Variants in PRKCZ observed in about 807,000 individuals in gnomAD.
PRKCZ encodes protein kinase C zeta type.
Under a neutral mutation model 79.5 loss-of-function variants are expected in PRKCZ, and 33 were observed. That is an observed-to-expected ratio of 0.41 (90% CI 0.31 to 0.55). The LOEUF (loss-of-function observed/expected upper bound fraction) is 0.55, where lower values mean the gene tolerates loss of function less well. PRKCZ is among the 20% of genes least tolerant of loss of function. The pLI is 0.19. For missense variants in PRKCZ, 578 were observed against 813.5 expected (o/e 0.71, Z 3.52); for synonymous variants, 342 against 320.9 (o/e 1.07, Z -0.70).
At chr1:2,164,407 C>T (rs923961007) in intron 10 of PRKCZ, among the ~76,000 whole-genome samples, 4 of 152,212 alleles carry the variant, frequency 2.6e-5, no homozygotes, top group Admixed American at 6.5e-5. Flanking sequence ...CACACTGTGA[C>T]TGTCGGGGGA....
chr1:2,171,905 T>G, intron 11 of PRKCZ, 150 bp from the exon 12 acceptor site: 1 of 975,680 alleles, frequency 1.0e-6, no homozygotes, highest in Non-Finnish European at 1.5e-6. Flanking sequence ...TCCCTGGCCC[T>G]GTGCACTGCA....
chr1:2,095,641 C>G (rs1482329321), intron 4 of PRKCZ, among the ~76,000 whole-genome samples: 2 of 152,030 alleles, frequency 1.3e-5, no homozygotes, highest in East Asian at 3.9e-4. Flanking sequence ...CTGCCCCTGT[C>G]TCCCGCAGCC....
At chr1:2,095,321 G>A (rs1188641848) in intron 4 of PRKCZ, among the ~76,000 whole-genome samples, 1 of 152,168 alleles carries the variant, frequency 6.6e-6, no homozygotes, top group Non-Finnish European at 1.5e-5. Context: ...TGGTTTTGGA[G>A]GTGGCTGGGC....
At chr1:2,118,464 A>G in intron 4 of PRKCZ, among the ~76,000 whole-genome samples, 1 of 151,416 alleles carries the variant, frequency 6.6e-6, no homozygotes, top group Non-Finnish European at 1.5e-5. Context: ...CAGCCTCCTG[A>G]GTAGCTGGGA....
intron 9 of PRKCZ, among the ~76,000 whole-genome samples, chr1:2,152,575 C>T (rs1680109138): frequency 6.6e-6 from 1 of 152,180 alleles, no homozygotes; most frequent in South Asian, 2.1e-4. Flanking sequence ...AGTTAGGCGG[C>T]TTTTAGCATA....
Position 2,172,164 on chromosome 1 carries a change from A to T in PRKCZ, c.1171A>T (p.Lys391Ter). 1 of 1,613,252 alleles carries T rather than the reference A, an allele frequency of 6.2e-7. No individual in the cohort carries two copies. Among genetic ancestry groups the T allele is most frequent in the Non-Finnish European group, 8.5e-7 (1 of 1,179,948 alleles). Residue 391 changes from lysine to a stop codon, truncating the protein, a stop_gained, in exon 12 of 18, where the codon AAG (lysine) becomes TAG (stop). Coordinates refer to ENST00000378567, the MANE Select transcript of PRKCZ (RefSeq NM_002744.6). LOFTEE classifies it high-confidence loss of function. The surrounding 1 kb of genome is among the most constrained non-coding windows in gnomAD (Gnocchi z 7.8). ...CCTCCTGGATGCGGACGGGCACATC[A>T]AGCTCACAGACTACGGCATGTGCAA... ...NVLLDADGHIKLTDYGMCKEG... is the reference protein window; with the variant it reads ...NVLLDADGHI
At chr1:2,129,597 CAG>C (rs1428857205) in intron 4 of PRKCZ, among the ~76,000 whole-genome samples, 1 of 152,168 alleles carries the variant, frequency 6.6e-6, no homozygotes, top group African/African-American at 2.4e-5. Context: ...TTAATTGTAA[CAG>C]TGTAGCAGGC....
intron 16 of PRKCZ, 28 bp downstream of exon 16, chr1:2,175,341 C>G: frequency 6.4e-7 from 1 of 1,568,286 alleles, no homozygotes; most frequent in Non-Finnish European, 8.7e-7. Context: ...CTATTTGCAC[C>G]CCCATCCCCA....
intron 4 of PRKCZ, among the ~76,000 whole-genome samples, chr1:2,116,774 C>T (rs114722764): frequency 0.013 from 1,955 of 152,252 alleles, 24 homozygotes; most frequent in African/African-American, 0.036. Context: ...TTTACATTTC[C>T]ATACACATGG....
chr1:2,126,971 T>C (rs963872463), intron 4 of PRKCZ, among the ~76,000 whole-genome samples: 29 of 152,238 alleles, frequency 1.9e-4, no homozygotes, highest in African/African-American at 6.8e-4. Flanking sequence ...GGGGTCCGTG[T>C]GTCCCACGTG....
chr1:2,144,433 G>GGT (rs1161402256), intron 6 of PRKCZ, 92 bp downstream of exon 6: 19 of 1,507,282 alleles, frequency 1.3e-5, no homozygotes, highest in Non-Finnish European at 1.6e-5. Context: ...GGTGACCCTG[G>GGT]GTTCTTCAAG....
At chr1:2,155,425 CAG>C (rs1680800315) in intron 9 of PRKCZ, among the ~76,000 whole-genome samples, 1 of 148,328 alleles carries the variant, frequency 6.7e-6, no homozygotes, top group Non-Finnish European at 1.5e-5. Context: ...GTGGTGATGA[CAG>C]TGACGGTTGT....
chr1:2,055,298 AG>A (rs1167300913), intron 1 of PRKCZ, 142 bp from the exon 2 acceptor site: 49 of 655,668 alleles, frequency 7.5e-5, no homozygotes, highest in Middle Eastern at 3.9e-4. Context: ...TGTGTGTGGG[AG>A]GGGGGAGGGG....
intron 9 of PRKCZ, among the ~76,000 whole-genome samples, chr1:2,154,256 C>G (rs1019283536): frequency 6.6e-6 from 1 of 151,992 alleles, no homozygotes; most frequent in Non-Finnish European, 1.5e-5. Context: ...CGTGAGATAC[C>G]CGGGTGCACA....
chr1:2,104,424 C>T (rs1024690600), intron 4 of PRKCZ, among the ~76,000 whole-genome samples: 6 of 152,154 alleles, frequency 3.9e-5, no homozygotes, highest in African/African-American at 1.4e-4. Context: ...TGGCCTGAAC[C>T]TCAGGGCCTC....
At chr1:2,095,483 G>T (rs540371922) in intron 4 of PRKCZ, among the ~76,000 whole-genome samples, 2 of 152,226 alleles carry the variant, frequency 1.3e-5, no homozygotes, top group South Asian at 4.1e-4. Flanking sequence ...ACCCCCTGAA[G>T]AGGTAGCTGG....
At chr1:2,057,871 AT>A (rs879612745) in intron 3 of PRKCZ, among the ~76,000 whole-genome samples, 606 of 138,882 alleles carry the variant, frequency 4.4e-3, no homozygotes, top group Middle Eastern at 7.7e-3. Flanking sequence ...CACTTGGCTA[AT>A]TTTTTTTTTT....
At chr1:2,070,991 G>T (rs1288722016) in intron 4 of PRKCZ, among the ~76,000 whole-genome samples, 4 of 151,460 alleles carry the variant, frequency 2.6e-5, no homozygotes, top group Non-Finnish European at 4.4e-5. Flanking sequence ...ATCCCCACAG[G>T]GACGTGGAGG....
At chr1:2,135,439 C>G in intron 5 of PRKCZ, 92 bp downstream of exon 5, 1 of 1,236,124 alleles carries the variant, frequency 8.1e-7, no homozygotes. Flanking sequence ...CCGCTGAGCC[C>G]AGGCTGGGCT....
Sources: allele counts gnomAD v4.1 joint callset (sites outside exome capture counted in the v4.1 genomes callset), GRCh38; gene constraint gnomAD v4.1.1; non-coding constraint Gnocchi (gnomAD v3.1); transcripts MANE v1.5; gene names NCBI Gene and HGNC (gene_info 2026-07-23, HGNC 2026-07-21).